HNRNPLL: variants seen among roughly 807,000 people sequenced by gnomAD.
HNRNPLL encodes heterogeneous nuclear ribonucleoprotein L like.
In HNRNPLL, 25 loss-of-function variants were observed where a neutral mutation model predicts 67.1. That is an observed-to-expected ratio of 0.37 (90% CI 0.27 to 0.52). The LOEUF is 0.52. Among genes scored for constraint, HNRNPLL ranks in the 20% least tolerant of loss-of-function variants. The probability of loss-of-function intolerance (pLI) is 0.90; values close to 1 mark genes in which losing one functional copy is unlikely to be tolerated. For synonymous variants in HNRNPLL, 267 were observed against 241.7 expected (o/e 1.10, Z -0.97); for missense variants, 542 against 673.9 (o/e 0.80, Z 2.17).
intron 3 of HNRNPLL, 54 bp downstream of exon 3, chr2:38,585,589 TG>T: frequency 9.1e-7 from 1 of 1,100,376 alleles, no homozygotes; most frequent in Non-Finnish European, 1.4e-6. Context: ...TCAGTCACTC[TG>T]GAGGCAAACT....
intron 1 of HNRNPLL, among the ~76,000 whole-genome samples, chr2:38,601,380 C>A (rs578168163): frequency 9.3e-4 from 142 of 152,138 alleles, no homozygotes; most frequent in Non-Finnish European, 1.6e-3. Flanking sequence ...AAGGTAAAAA[C>A]CCTTTTAACC....
At chr2:38,600,278 A>G (rs993203750) in intron 1 of HNRNPLL, among the ~76,000 whole-genome samples, 2 of 145,342 alleles carry the variant, frequency 1.4e-5, no homozygotes, top group South Asian at 2.3e-4. Flanking sequence ...CAATCTGCTT[A>G]TATCAGTTCC....
Position 38,602,283 on chromosome 2 carries a change from C to G in HNRNPLL, c.189+155G>C, listed in dbSNP as rs898675938. 1.3e-5 allele frequency: 9 copies of G among 688,034 alleles called. No individual in the cohort carries two copies. The Middle Eastern group carries it at 1.2e-3, about 93-fold the overall frequency. 42.6% of individuals were successfully genotyped at this position (688,034 alleles called of 1,614,324 possible). A position where few individuals can be genotyped will look rare whatever the true frequency, so the allele number is the denominator to read the frequency against. On this transcript the variant is annotated intron_variant, in intron 1 of 12. Transcript: ENST00000449105. ...TCGGGATGCGGGAAACAGGTAGAGG[C>G]CAGAATACGAGCCCCAAAGAGAAGA...
At chr2:38,602,208 G>A (rs1667469245) in intron 1 of HNRNPLL, 1 of 506,414 alleles carries the variant, frequency 2.0e-6, no homozygotes. Context: ...TCAGGGCCCG[G>A]CAGTGGACTC....
chr2:38,569,255 T>A lies in HNRNPLL; in HGVS notation c.1294A>T (p.Met432Leu). The change falls in exon 10 of 13, where the codon ATG becomes TTG. Residue 432 changes from methionine (M) to leucine (L), a missense_variant. Met to Leu is a conservative substitution (Grantham distance 15). Coordinates refer to ENST00000449105, the MANE Select transcript of HNRNPLL (RefSeq NM_138394.4). Reference sequence around the variant, plus strand: ...CTTGTAAAGCGATTATTTTTGCTCATTGCAAAATCTTTGTAGCTGCTGGTA... The same window carrying A: ...CTTGTAAAGCGATTATTTTTGCTCAATGCAAAATCTTTGTAGCTGCTGGTA... ...DGTSSYKDFAMSKNNRFTSAG... is the reference protein window; with the variant it reads ...DGTSSYKDFALSKNNRFTSAG... 6.2e-7 allele frequency: 1 copy of A among 1,613,008 alleles called. No homozygotes were observed. Among genetic ancestry groups the A allele is most frequent in the Non-Finnish European group, 8.5e-7 (1 of 1,179,058 alleles).
In HNRNPLL at chr2:38,562,220, ACAT is replaced by A. The variant is rs1665701169; in HGVS notation, c.*1959_*1961del. On this transcript the variant is annotated 3_prime_UTR_variant, in exon 13 of 13. Transcript: ENST00000449105. The stretch of plus-strand genomic sequence containing the variant: ...GTCATGCCTAAGTAAACTATCAAAA[ACAT>A]TAGTGACAGCAGCAGTATAGGGCTT... The A allele has an allele frequency of 6.6e-6, 1 of 152,156 alleles. No individual in the cohort carries two copies. Among genetic ancestry groups the A allele is most frequent in the Non-Finnish European group, 1.5e-5 (1 of 68,014 alleles). The allele number at this position is 152,156 out of a possible 1,614,324, so 9.4% of individuals were successfully genotyped here. A position where few individuals can be genotyped will look rare whatever the true frequency, so the allele number is the denominator to read the frequency against.
chr2:38,577,573 C>A (rs367954507), intron 6 of HNRNPLL, 41 bp from the exon 7 acceptor site: 2 of 1,286,276 alleles, frequency 1.6e-6, no homozygotes, highest in African/African-American at 2.9e-5. Context: ...AATTTTGACC[C>A]AAGTACTTAA....
chr2:38,586,457 A>T (rs1666737579), intron 2 of HNRNPLL, among the ~76,000 whole-genome samples: 1 of 152,218 alleles, frequency 6.6e-6, no homozygotes, highest in South Asian at 2.1e-4. Context: ...AACCCAGTTT[A>T]TTCTTTGGGG....
At chr2:38,569,456 C>T (rs1041524246) in intron 9 of HNRNPLL, 122 bp from the exon 10 acceptor site, 3 of 644,608 alleles carry the variant, frequency 4.7e-6, no homozygotes, top group Admixed American at 5.6e-5. Flanking sequence ...ATACATAGAG[C>T]TATTTAAATA....
chr2:38,573,973 A>G (rs1285252256), intron 7 of HNRNPLL, among the ~76,000 whole-genome samples: 1 of 151,946 alleles, frequency 6.6e-6, no homozygotes, highest in Non-Finnish European at 1.5e-5. Context: ...CTAAAACCCT[A>G]GATTTAGTTA....
intron 2 of HNRNPLL, among the ~76,000 whole-genome samples, chr2:38,587,136 G>C (rs771248637): frequency 6.6e-6 from 1 of 152,206 alleles, no homozygotes; most frequent in East Asian, 1.9e-4. Flanking sequence ...TTCTCAATCA[G>C]GCATCCAGGA....
Position 38,574,155 on chromosome 2 carries a change from A to G in HNRNPLL, c.875-728T>C, listed in dbSNP as rs113016819. 1.8e-3 allele frequency among the ~76,000 whole-genome samples: 268 copies of G among 152,036 alleles called. 2 individuals carry two copies. The highest frequency in any genetic ancestry group is 3.0e-3 in the Non-Finnish European group (205 of 67,834). On this transcript the variant is annotated intron_variant, in intron 7 of 12. Transcript: ENST00000449105. ...AATCCTCATTAAGAATCAACTTGCT[A>G]ACTTTAGAGTAGCTTTAAACAACTT... is the stretch of plus-strand genomic sequence containing the variant.
At chr2:38,571,444 C>T (rs938823008) in intron 8 of HNRNPLL, among the ~76,000 whole-genome samples, 4 of 152,102 alleles carry the variant, frequency 2.6e-5, no homozygotes, top group South Asian at 4.2e-4. Context: ...TATCTATTGA[C>T]GTCTAAAGAA....
chr2:38,593,166 C>A (rs542060425), intron 1 of HNRNPLL, among the ~76,000 whole-genome samples: 3 of 152,214 alleles, frequency 2.0e-5, no homozygotes, highest in Admixed American at 6.5e-5. Flanking sequence ...TATGGTTAAA[C>A]AGATATCCCT....
At chr2:38,569,694 G>A in intron 9 of HNRNPLL, 110 bp downstream of exon 9, 1 of 576,952 alleles carries the variant, frequency 1.7e-6, no homozygotes, top group South Asian at 3.3e-5. Context: ...TGTTTCAGAT[G>A]TGCCCTCAGT....
intron 6 of HNRNPLL, 141 bp downstream of exon 6, chr2:38,581,772 T>C: frequency 3.1e-6 from 2 of 655,694 alleles, no homozygotes; most frequent in Non-Finnish European, 5.4e-6. Flanking sequence ...TTTCCAGCAT[T>C]ACATGGCCTT....
At chr2:38,576,032 A>G (rs1221582155) in intron 7 of HNRNPLL, among the ~76,000 whole-genome samples, 1 of 151,818 alleles carries the variant, frequency 6.6e-6, no homozygotes, top group Non-Finnish European at 1.5e-5. Context: ...GAATTTCACA[A>G]TAGGCTTTTT....
At chr2:38,570,515 G>A (rs970051574) in intron 8 of HNRNPLL, among the ~76,000 whole-genome samples, 3 of 152,202 alleles carry the variant, frequency 2.0e-5, no homozygotes, top group Non-Finnish European at 2.9e-5. Flanking sequence ...AGGAAGGCTT[G>A]TGCAACATAG....
intron 3 of HNRNPLL, among the ~76,000 whole-genome samples, chr2:38,584,164 C>T (rs992095969): frequency 6.6e-6 from 1 of 152,158 alleles, no homozygotes; most frequent in African/African-American, 2.4e-5. Context: ...CAGGCTGAAA[C>T]GATCTCCCGC....
Sources: allele counts gnomAD v4.1 joint callset (sites outside exome capture counted in the v4.1 genomes callset), GRCh38; gene constraint gnomAD v4.1.1; transcripts MANE v1.5; gene names NCBI Gene and HGNC (gene_info 2026-07-23, HGNC 2026-07-21).